EXOC4: variants seen among roughly 807,000 people sequenced by gnomAD.
The protein encoded by EXOC4 is SEC8-like 1.
In EXOC4, 71 loss-of-function variants were observed where a neutral mutation model predicts 107.2. The ratio of observed to expected loss-of-function variants is 0.66; its 90% CI spans 0.55 to 0.81. The LOEUF (loss-of-function observed/expected upper bound fraction) is 0.81, where lower values mean the gene tolerates loss of function less well. Ranked by LOEUF, EXOC4 falls within the 30% of genes least tolerant of loss-of-function variation. EXOC4 has a pLI of 0.00. For missense variants in EXOC4, 1,108 were observed against 1,189.6 expected (o/e 0.93, Z 1.01); for synonymous variants, 456 against 441.2 (o/e 1.03, Z -0.42).
At chr7:133,763,074 A>G (rs923080644) in intron 10 of EXOC4, among the ~76,000 whole-genome samples, 3 of 152,270 alleles carry the variant, frequency 2.0e-5, no homozygotes, top group African/African-American at 7.2e-5. Flanking sequence ...AAGTTCCCAA[A>G]TAGTGTTGAT....
At chr7:133,835,237 C>T (rs1444026009) in intron 11 of EXOC4, among the ~76,000 whole-genome samples, 1 of 152,176 alleles carries the variant, frequency 6.6e-6, no homozygotes, top group Non-Finnish European at 1.5e-5. Flanking sequence ...TGAGACAGGT[C>T]TCAGTAAATC....
At chr7:133,997,318 C>T (rs1462238436) in intron 14 of EXOC4, among the ~76,000 whole-genome samples, 174 bp from the exon 15 acceptor site, 3 of 152,216 alleles carry the variant, frequency 2.0e-5, no homozygotes, top group African/African-American at 7.2e-5. Context: ...AGCCACTGCA[C>T]TTCTATGTGT....
rs188235829 is a variant in EXOC4 at position 133,343,044 on chromosome 7, T to G, written c.764-13286T>G. On this transcript the variant is annotated intron_variant, in intron 5 of 17. Transcript: ENST00000253861. ...GTCAATTCAGTGATTTCTGCTTGGT[T>G]TGGATCCATTGCTAGTGAGCTACTG... Among the ~76,000 whole-genome samples the G allele has an allele frequency of 7.2e-5, 11 of 152,310 alleles. No individual in the cohort carries two copies. The East Asian group carries it at 2.1e-3, about 29-fold the overall frequency.
At chr7:134,026,103 T>C (rs1795131801) in intron 17 of EXOC4, among the ~76,000 whole-genome samples, 1 of 152,148 alleles carries the variant, frequency 6.6e-6, no homozygotes, top group African/African-American at 2.4e-5. Context: ...GGAAATTTCT[T>C]GAATCATGAA....
At chr7:133,895,267 A>G (rs533647866) in intron 11 of EXOC4, 131 of 180,790 alleles carry the variant, frequency 7.2e-4, no homozygotes, top group Middle Eastern at 2.5e-3. Context: ...AGGTGAGGCA[A>G]TGCCTCGCCC....
the EXOC4 span, among the ~76,000 whole-genome samples, chr7:134,085,286 C>G: frequency 2.0e-5 from 3 of 151,320 alleles, no homozygotes; most frequent in African/African-American, 7.3e-5. Context: ...TAATAACCTT[C>G]CAAAAATCCA....
At chr7:133,916,138 A>G (rs1194973200) in intron 12 of EXOC4, among the ~76,000 whole-genome samples, 2 of 152,258 alleles carry the variant, frequency 1.3e-5, no homozygotes, top group African/African-American at 4.8e-5. Flanking sequence ...ACCTCAGATC[A>G]TAAGACATTA....
rs1401301992 is a variant in EXOC4 at position 133,978,731 on chromosome 7, T to G, written c.2207-18761T>G. ...GGAAGCAGCTGTCTGCAGGAGCTCT[T>G]CTGGAAGCTGCTGCAAGCTTCTGAT... On this transcript the variant is annotated intron_variant, in intron 14 of 17. Coordinates refer to ENST00000253861, the MANE Select transcript of EXOC4 (RefSeq NM_021807.4). 2.0e-5 allele frequency among the ~76,000 whole-genome samples: 3 copies of G among 152,208 alleles called. No individual in the cohort carries two copies. The East Asian group carries it at 5.8e-4, about 29-fold the overall frequency.
chr7:133,444,075 T>A (rs138699950), intron 7 of EXOC4, among the ~76,000 whole-genome samples: 1 of 152,308 alleles, frequency 6.6e-6, no homozygotes, highest in Non-Finnish European at 1.5e-5. Flanking sequence ...AACCAGGTCC[T>A]CATAAGAGTG....
At chr7:133,457,897 A>G (rs1798500032) in intron 7 of EXOC4, among the ~76,000 whole-genome samples, 1 of 152,174 alleles carries the variant, frequency 6.6e-6, no homozygotes, top group Non-Finnish European at 1.5e-5. Context: ...TAATAATGCT[A>G]ACAATGTATG....
chr7:133,532,491 A>G (rs1800199146), intron 9 of EXOC4, among the ~76,000 whole-genome samples: 1 of 152,062 alleles, frequency 6.6e-6, no homozygotes. Context: ...CTGGGTGCCA[A>G]GTGGTTTTTA....
intron 9 of EXOC4, among the ~76,000 whole-genome samples, chr7:133,615,911 A>T (rs1481205529): frequency 6.6e-6 from 1 of 152,238 alleles, no homozygotes; most frequent in Non-Finnish European, 1.5e-5. Context: ...AAGAGATTGT[A>T]GCAGTAATTT....
At chr7:133,817,006 C>T (rs774676430) in intron 10 of EXOC4, among the ~76,000 whole-genome samples, 1 of 152,150 alleles carries the variant, frequency 6.6e-6, no homozygotes, top group African/African-American at 2.4e-5. Flanking sequence ...TTTAATTTCA[C>T]AATAATTTGT....
intron 14 of EXOC4, among the ~76,000 whole-genome samples, chr7:133,964,404 G>A (rs535391710): frequency 1.4e-4 from 21 of 151,704 alleles, no homozygotes; most frequent in Admixed American, 1.1e-3. Context: ...AGGTATACAC[G>A]GGCCATGGTG....
intron 10 of EXOC4, among the ~76,000 whole-genome samples, chr7:133,702,372 G>A (rs932382620): frequency 5.0e-3 from 7 of 1,404 alleles, no homozygotes; most frequent in African/African-American, 0.015. Flanking sequence ...AAGGTCTCAC[G>A]CTGTTGCCCA....
intron 10 of EXOC4, among the ~76,000 whole-genome samples, chr7:133,675,074 A>T (rs1290170345): frequency 1.3e-5 from 2 of 152,156 alleles, no homozygotes; most frequent in Non-Finnish European, 2.9e-5. Flanking sequence ...ATAATGCTTA[A>T]TTTCTTATGC....
intron 11 of EXOC4, among the ~76,000 whole-genome samples, chr7:133,847,130 T>G (rs1478703844): frequency 6.6e-6 from 1 of 152,164 alleles, no homozygotes; most frequent in Non-Finnish European, 1.5e-5. Flanking sequence ...CCTCACATAT[T>G]TATCACTTCT....
intron 1 of EXOC4, among the ~76,000 whole-genome samples, chr7:133,268,532 T>A (rs2150516046): frequency 6.6e-6 from 1 of 152,292 alleles, no homozygotes; most frequent in Admixed American, 6.5e-5. Context: ...ATTACTCTAT[T>A]AAGACCAAAG....
intron 10 of EXOC4, among the ~76,000 whole-genome samples, chr7:133,796,154 A>G (rs766830056): frequency 6.6e-6 from 1 of 152,228 alleles, no homozygotes; most frequent in Admixed American, 6.5e-5. Flanking sequence ...AATTCTACAT[A>G]ACTTTCTCCA....
Sources: allele counts gnomAD v4.1 joint callset (sites outside exome capture counted in the v4.1 genomes callset), GRCh38; gene constraint gnomAD v4.1.1; transcripts MANE v1.5; gene names NCBI Gene and HGNC (gene_info 2026-07-23, HGNC 2026-07-21).